Variants in ALDH3A2 observed in about 807,000 individuals in gnomAD.
ALDH3A2 encodes aldehyde dehydrogenase family 3 member A2.
ALDH3A2 carries 36 observed loss-of-function variants against 51.3 expected under a neutral mutation model. The observed-to-expected ratio is 0.70, with a 90% CI of 0.54 to 0.93. The LOEUF (loss-of-function observed/expected upper bound fraction) is 0.93. ALDH3A2 is among the 40% of genes least tolerant of loss of function. The probability of loss-of-function intolerance (pLI) is 0.00; values close to 1 mark genes in which losing one functional copy is unlikely to be tolerated. For synonymous variants in ALDH3A2, 199 were observed against 219.8 expected (o/e 0.91, Z 0.84); for missense variants, 552 against 603.1 (o/e 0.92, Z 0.89).
intron 1 of ALDH3A2, among the ~76,000 whole-genome samples, chr17:19,650,611 G>C (rs1464090254): frequency 6.6e-6 from 1 of 151,978 alleles, no homozygotes; most frequent in Non-Finnish European, 1.5e-5. Context: ...CCGCCACCGT[G>C]CCCGGCTAAT....
Position 19,663,476 on chromosome 17 carries a change from T to G in ALDH3A2, c.1084T>G (p.Tyr362Asp). The G allele has an allele frequency of 6.2e-7, 1 of 1,614,168 alleles. No individual in the cohort carries two copies. The highest frequency in any genetic ancestry group is 1.3e-5 in the African/African-American group (1 of 75,068). ...INEREKPLAL[Y>D]VFSHNHKLIK... ...TGAACGTGAAAAGCCTCTGGCTCTT[T>G]ATGTATTTTCGCATAACCATAAGGT... Residue 362 changes from tyrosine (Y) to aspartate (D), a missense_variant, in exon 7 of 10, where the codon TAT (tyrosine) becomes GAT (aspartate). Transcript: ENST00000176643.
rs1057405 is a variant in ALDH3A2, at chr17:19,671,866, A to G, written c.1353A>G (p.Gly451=). The G allele has an allele frequency of 6.2e-7, 1 of 1,614,222 alleles. No homozygotes were observed. The highest frequency in any genetic ancestry group is 2.2e-5 in the East Asian group (1 of 44,888). ...ACAGCCAGTCAAAGGTGGATTGGGG[A>G]AAATTTTTTCTCTTGAAACGGTTCA... The part of the protein sequence containing the change: ...PPNSQSKVDW[G]KFFLLKRFNK... Residue 451 remains glycine, a synonymous_variant, in exon 9 of 10, where the codon GGA becomes GGG. Coordinates refer to ENST00000176643, the MANE Select transcript of ALDH3A2 (RefSeq NM_000382.3).
At chr17:19,657,906 A>C (rs2152328803) in intron 5 of ALDH3A2, 44 bp downstream of exon 5, 1 of 1,472,178 alleles carries the variant, frequency 6.8e-7, no homozygotes, top group East Asian at 2.3e-5. Context: ...TAATAAGATA[A>C]GGAGTCAAAT....
intron 9 of ALDH3A2, 34 bp downstream of exon 9, chr17:19,671,990 C>A: frequency 6.4e-7 from 1 of 1,573,142 alleles, no homozygotes; most frequent in South Asian, 1.1e-5. Context: ...GCCATTCAGT[C>A]TGGTCCTGGC....
intron 8 of ALDH3A2, among the ~76,000 whole-genome samples, chr17:19,667,782 C>T (rs557133115): frequency 8.5e-5 from 13 of 152,308 alleles, no homozygotes; most frequent in Admixed American, 2.6e-4. Context: ...TGGTCTCAAA[C>T]TCCTGGGCTC....
chr17:19,667,201 G>T (rs1022169098), intron 8 of ALDH3A2, among the ~76,000 whole-genome samples: 1 of 152,138 alleles, frequency 6.6e-6, no homozygotes, highest in Non-Finnish European at 1.5e-5. Context: ...CCCTGTATGT[G>T]ACAGAATAGT....
At position 19,648,797 on chromosome 17, in the gene ALDH3A2, G is replaced by C; in HGVS notation, c.-175G>C. The C allele has an allele frequency of 1.2e-6, 1 of 844,212 alleles. No individual in the cohort carries two copies. The highest frequency in any genetic ancestry group is 1.8e-6 in the Non-Finnish European group (1 of 546,706). 52.3% of individuals were successfully genotyped at this position (844,212 alleles called of 1,614,324 possible). A position where few individuals can be genotyped will look rare whatever the true frequency, so the allele number is the denominator to read the frequency against. On this transcript the variant is annotated 5_prime_UTR_variant, in exon 1 of 10. Transcript: ENST00000176643. ...ACTGGCAGTGGGACTCAGCGGGCGT[G>C]GAGGTCGCGGCTGAGCGAGCGAGCC...
chr17:19,661,011 T>TA (rs1347935424), intron 5 of ALDH3A2, 116 bp from the exon 6 acceptor site: 44 of 1,034,564 alleles, frequency 4.3e-5, no homozygotes, highest in Non-Finnish European at 6.0e-5. Flanking sequence ...GGTGGGGTGT[T>TA]AGATTCTGTG....
At chr17:19,657,332 T>C (rs563315212) in intron 4 of ALDH3A2, among the ~76,000 whole-genome samples, 1 of 152,252 alleles carries the variant, frequency 6.6e-6, no homozygotes, top group Admixed American at 6.5e-5. Flanking sequence ...CATCCTGCTT[T>C]ATACCTGAAC....
At chr17:19,651,148 G>C (rs1423408744) in intron 1 of ALDH3A2, among the ~76,000 whole-genome samples, 1 of 152,306 alleles carries the variant, frequency 6.6e-6, no homozygotes, top group Admixed American at 6.5e-5. Context: ...AGTGTGTTAA[G>C]GATGAATATT....
intron 6 of ALDH3A2, among the ~76,000 whole-genome samples, chr17:19,662,326 T>C (rs2084976791): frequency 6.6e-6 from 1 of 152,176 alleles, no homozygotes; most frequent in Non-Finnish European, 1.5e-5. Context: ...CTGAGGAAGA[T>C]GTGGGCAATG....
chr17:19,674,598 G>A (rs1256444753), intron 9 of ALDH3A2: 1 of 152,164 alleles, frequency 6.6e-6, no homozygotes, highest in Admixed American at 6.5e-5. Flanking sequence ...ACAGGGTGAG[G>A]GAGTAGGTGT....
At chr17:19,668,304 A>G (rs1360485023) in intron 8 of ALDH3A2, among the ~76,000 whole-genome samples, 3 of 151,926 alleles carry the variant, frequency 2.0e-5, no homozygotes, top group Non-Finnish European at 2.9e-5. Flanking sequence ...GTGGAGTGCA[A>G]TGGCGCGACC....
Position 19,675,757 on chromosome 17 carries a change from A to T in ALDH3A2, c.*185A>T, listed in dbSNP as rs2085179688. On this transcript the variant is annotated 3_prime_UTR_variant, in exon 10 of 10. Transcript: ENST00000176643. ...GTTGCCATTTCAACTACGTCCCAAC[A>T]TTCCCTAATAGGGTATTCAGGGAAC... The T allele has an allele frequency of 1.4e-6, 1 of 694,658 alleles. No homozygotes were observed. Among genetic ancestry groups the T allele is most frequent in the African/African-American group, 1.8e-5 (1 of 56,466 alleles). The allele number at this position is 694,658 out of a possible 1,614,324, so 43.0% of individuals were successfully genotyped here. A position where few individuals can be genotyped will look rare whatever the true frequency, so the allele number is the denominator to read the frequency against.
At chr17:19,657,883 A>C (rs2084918586) in intron 5 of ALDH3A2, 21 bp downstream of exon 5, 2 of 1,528,520 alleles carry the variant, frequency 1.3e-6, no homozygotes, top group East Asian at 4.5e-5. Context: ...AAAACATCTG[A>C]TTCCACTGAT....
At chr17:19,672,402 G>A (rs1017633358) in intron 9 of ALDH3A2, 2 of 196,414 alleles carry the variant, frequency 1.0e-5, no homozygotes, top group African/African-American at 4.7e-5. Flanking sequence ...CCACAGAGGT[G>A]AAGGCAAGAA....
intron 9 of ALDH3A2, chr17:19,673,155 A>G: frequency 6.2e-7 from 1 of 1,614,176 alleles, no homozygotes; most frequent in African/African-American, 1.3e-5. Context: ...TCTCAGAAAT[A>G]CCAAGCTGTG....
intron 9 of ALDH3A2, chr17:19,673,357 TTTTTG>T: frequency 5.3e-5 from 70 of 1,316,316 alleles, no homozygotes; most frequent in Admixed American, 2.7e-4. Flanking sequence ...TTTGTTTTTG[TTTTTG>T]TTTTTGTTTT....
At position 19,675,639 on chromosome 17, in the gene ALDH3A2, C is replaced by A; in HGVS notation, c.*67C>A. On this transcript the variant is annotated 3_prime_UTR_variant, in exon 10 of 10. Transcript: ENST00000176643. ...TTCCTCTTTTAAATGGTTAATGAAC[C>A]AATAATTTTTAAATCATACCAAAAA... The A allele has an allele frequency of 1.3e-6, 2 of 1,505,826 alleles. No individual in the cohort carries two copies. Among genetic ancestry groups the A allele is most frequent in the Non-Finnish European group, 1.8e-6 (2 of 1,082,036 alleles). 93.3% of individuals were successfully genotyped at this position (1,505,826 alleles called of 1,614,324 possible).
Sources: allele counts gnomAD v4.1 joint callset (sites outside exome capture counted in the v4.1 genomes callset), GRCh38; gene constraint gnomAD v4.1.1; transcripts MANE v1.5; gene names NCBI Gene and HGNC (gene_info 2026-07-23, HGNC 2026-07-21).